The following CNTN6 variants were observed in gnomAD, a reference collection of about 807,000 sequenced individuals.
CNTN6 encodes contactin-6.
CNTN6 carries 137 observed loss-of-function variants against 122.8 expected under a neutral mutation model. That is an observed-to-expected ratio of 1.12 (90% CI 0.97 to 1.29). The LOEUF (loss-of-function observed/expected upper bound fraction) is 1.29, where lower values mean the gene tolerates loss of function less well. Ranked by LOEUF, CNTN6 falls within the 50% of genes most tolerant of loss-of-function variation. The probability of loss-of-function intolerance (pLI) is 0.00; values close to 1 mark genes in which losing one functional copy is unlikely to be tolerated. For synonymous variants in CNTN6, 570 were observed against 426.0 expected, an observed-to-expected ratio of 1.34 and a Z score of -4.16; for missense variants, 1,634 against 1,223.4, an observed-to-expected ratio of 1.34 and a Z score of -5.01.
intron 5 of CNTN6, among the ~76,000 whole-genome samples, chr3:1,287,590 C>G (rs1254126913): frequency 6.6e-6 from 1 of 152,084 alleles, no homozygotes; most frequent in Non-Finnish European, 1.5e-5. Flanking sequence ...GTCGGTAGGA[C>G]TGGCTTTGCA....
Position 1,382,942 on chromosome 3 carries a change from T to A in CNTN6, c.2167T>A (p.Ser723Thr). The change falls in exon 18 of 23, where the codon TCA becomes ACA. Residue 723 changes from serine to threonine, a missense_variant and splice_region_variant. By Grantham distance (58) the Ser-to-Thr change is moderately conservative (BLOSUM62 1). Coordinates refer to ENST00000446702, the MANE Select transcript of CNTN6 (RefSeq NM_001289080.2). ...SRSELVITWE[S>T]IPEELQNGEG... Reference sequence around the variant, plus strand: ...AGTGATTGATCACATTCTGCCCAAGTCAATTCCAGAAGAACTGCAGAATGG... The same window carrying A: ...AGTGATTGATCACATTCTGCCCAAGACAATTCCAGAAGAACTGCAGAATGG... The A allele has an allele frequency of 1.2e-6, 2 of 1,611,642 alleles. No homozygotes were observed.
chr3:1,187,548 C>T (rs1310636542), intron 2 of CNTN6, among the ~76,000 whole-genome samples: 1 of 152,116 alleles, frequency 6.6e-6, no homozygotes, highest in African/African-American at 2.4e-5. Context: ...CCTCCTCTAG[C>T]CCAGCAGGTG....
At position 1,196,494 on chromosome 3, in the gene CNTN6, G is replaced by A. The variant is rs1052199888; in HGVS notation, c.56-24193G>A. ...TTTTGTTTTTGTTTCATCTCCTGCT[G>A]TATGCTTGGTCTCTAAAAGTGACTG... On this transcript the variant is annotated intron_variant, in intron 2 of 22. Transcript: ENST00000446702. Among the ~76,000 whole-genome samples the A allele has an allele frequency of 2.0e-5, 3 of 152,120 alleles. No individual in the cohort carries two copies. In the South Asian group the frequency reaches 6.2e-4, roughly 32 times the overall value.
chr3:1,223,700 C>G (rs2094239873), intron 3 of CNTN6, among the ~76,000 whole-genome samples: 1 of 152,090 alleles, frequency 6.6e-6, no homozygotes, highest in Non-Finnish European at 1.5e-5. Flanking sequence ...TACTCTCTAT[C>G]AGAAAAAAGG....
At position 1,401,526 on chromosome 3, in the gene CNTN6, C is replaced by A; in HGVS notation, c.2798C>A (p.Ser933Tyr). ...CATGTAAAAACCATGGAAAATGAGT[C>A]TGAAGTTTTGGGGTACAAGGTGAGT... ...WEHVKTMENE[S>Y]EVLGYKILYR... The change falls in exon 21 of 23, where the codon TCT becomes TAT. Residue 933 changes from serine (S) to tyrosine (Y), a missense_variant. Ser to Tyr is a moderately radical substitution (Grantham distance 144, BLOSUM62 -2). Coordinates refer to ENST00000446702, the MANE Select transcript of CNTN6 (RefSeq NM_001289080.2). The A allele has an allele frequency of 1.9e-6, 3 of 1,610,554 alleles. No individual in the cohort carries two copies. Among genetic ancestry groups the A allele is most frequent in the Non-Finnish European group, 2.5e-6 (3 of 1,177,800 alleles).
chr3:1,402,569 T>C, intron 22 of CNTN6, 83 bp downstream of exon 22: 2 of 1,160,326 alleles, frequency 1.7e-6, no homozygotes, highest in Non-Finnish European at 2.4e-6. Context: ...ACCTTCCAGT[T>C]ATGGCTTAAA....
At position 1,385,647 on chromosome 3, in the gene CNTN6, A is replaced by G; in HGVS notation, c.2554A>G (p.Ile852Val). 1 of 1,614,024 alleles carries G rather than the reference A, an allele frequency of 6.2e-7. No individual in the cohort carries two copies. The change falls in exon 20 of 23, where the codon ATA becomes GTA. Residue 852 changes from isoleucine to valine, a missense_variant. By Grantham distance (29) the Ile-to-Val change is conservative. Transcript: ENST00000446702. Reference protein sequence around the residue: ...YWTDDSKESMIGKIRVSGNVT... With the variant: ...YWTDDSKESMVGKIRVSGNVT... ...GACAGATGACTCCAAAGAATCCATG[A>G]TAGGTAAAATTAGAGTCAGTGGAAA...
intron 2 of CNTN6, among the ~76,000 whole-genome samples, chr3:1,199,104 A>T (rs1371775987): frequency 6.6e-6 from 1 of 151,768 alleles, no homozygotes; most frequent in South Asian, 2.1e-4. Flanking sequence ...TCCAGAAGGA[A>T]CCAACCCTGC....
chr3:1,383,018 G>T lies in CNTN6; in HGVS notation c.2243G>T (p.Trp748Leu). The T allele has an allele frequency of 1.2e-6, 2 of 1,614,060 alleles. No homozygotes were observed. Among genetic ancestry groups the T allele is most frequent in the Non-Finnish European group, 1.7e-6 (2 of 1,179,948 alleles). Residue 748 changes from tryptophan (W) to leucine (L), a missense_variant, in exon 18 of 23, where the codon TGG becomes TTG. Physicochemically the swap from Trp to Leu is moderately conservative, Grantham distance 61. Coordinates refer to ENST00000446702, the MANE Select transcript of CNTN6 (RefSeq NM_001289080.2). The part of the protein sequence containing the change: ...IMFRPVGSTT[W>L]SKEKVSSVES... ...TTCCGGCCAGTGGGCTCGACAACCT[G>T]GTCCAAGGAGAAAGTGTCATCTGTG... is the stretch of plus-strand genomic sequence containing the variant.
chr3:1,202,242 C>A (rs984128061), intron 2 of CNTN6, among the ~76,000 whole-genome samples: 4 of 152,240 alleles, frequency 2.6e-5, no homozygotes, highest in African/African-American at 9.6e-5. Flanking sequence ...CATGCATACT[C>A]AGCTGTAACA....
chr3:1,160,484 C>G (rs529486734), intron 2 of CNTN6, among the ~76,000 whole-genome samples: 2 of 151,100 alleles, frequency 1.3e-5, no homozygotes, highest in African/African-American at 4.9e-5. Flanking sequence ...TTTGCTTACT[C>G]TCATTGCTGG....
At chr3:1,352,244 G>A in intron 11 of CNTN6, 80 bp from the exon 12 acceptor site, 1 of 1,279,752 alleles carries the variant, frequency 7.8e-7, no homozygotes, top group Non-Finnish European at 1.0e-6. Context: ...TTTTAGTAAA[G>A]TTTTAAAATA....
chr3:1,335,807 C>A (rs1702966099), intron 11 of CNTN6, among the ~76,000 whole-genome samples: 1 of 151,964 alleles, frequency 6.6e-6, no homozygotes, highest in South Asian at 2.1e-4. Flanking sequence ...GGTAGAAGGA[C>A]TGCTTGAGTT....
At chr3:1,270,057 A>C (rs1053397636) in intron 4 of CNTN6, among the ~76,000 whole-genome samples, 2 of 152,158 alleles carry the variant, frequency 1.3e-5, no homozygotes, top group African/African-American at 4.8e-5. Context: ...GTTTGACAAT[A>C]ACATTGTGCT....
At chr3:1,189,085 C>T (rs2093665948) in intron 2 of CNTN6, among the ~76,000 whole-genome samples, 1 of 152,148 alleles carries the variant, frequency 6.6e-6, no homozygotes, top group Non-Finnish European at 1.5e-5. Context: ...ACAAGCTCAG[C>T]ATGATTTGAT....
intron 12 of CNTN6, among the ~76,000 whole-genome samples, chr3:1,353,331 T>TA (rs1705969915): frequency 6.6e-6 from 1 of 151,740 alleles, no homozygotes; most frequent in Admixed American, 6.6e-5. Flanking sequence ...AAAAAGTAGT[T>TA]AGCTGCTACA....
chr3:1,328,028 T>C (rs1701783032), intron 10 of CNTN6, among the ~76,000 whole-genome samples: 3 of 151,844 alleles, frequency 2.0e-5, no homozygotes, highest in Admixed American at 6.6e-5. Context: ...ACACCTTCCC[T>C]TCAGCATCAA....
At chr3:1,179,951 C>A (rs1167743715) in intron 2 of CNTN6, among the ~76,000 whole-genome samples, 1 of 152,134 alleles carries the variant, frequency 6.6e-6, no homozygotes, top group African/African-American at 2.4e-5. Context: ...GCTAGCTTAC[C>A]CTCTCTCCCC....
At chr3:1,135,176 T>A (rs1285609723) in intron 1 of CNTN6, among the ~76,000 whole-genome samples, 1 of 150,980 alleles carries the variant, frequency 6.6e-6, no homozygotes, top group African/African-American at 2.4e-5. Flanking sequence ...TGTTCCCAAA[T>A]GAATAATGCA....
Sources: allele counts gnomAD v4.1 joint callset (sites outside exome capture counted in the v4.1 genomes callset), GRCh38; gene constraint gnomAD v4.1.1; transcripts MANE v1.5; gene names NCBI Gene and HGNC (gene_info 2026-07-23, HGNC 2026-07-21).